LRRTM4: variants seen among roughly 807,000 people sequenced by gnomAD.
LRRTM4 encodes leucine rich repeat transmembrane neuronal 4.
A neutral mutation model predicts 47.6 loss-of-function variants in LRRTM4; 25 were observed. The observed-to-expected ratio is 0.53, with a 90% CI of 0.38 to 0.73. The LOEUF (loss-of-function observed/expected upper bound fraction) is 0.73, where lower values mean the gene tolerates loss of function less well. Among genes scored for constraint, LRRTM4 ranks in the 30% least tolerant of loss-of-function variants. The pLI, the probability that LRRTM4 is intolerant of heterozygous loss-of-function variation, is 0.00. For missense variants in LRRTM4, 638 were observed against 713.4 expected (o/e 0.89, Z 1.20); for synonymous variants, 311 against 269.5 (o/e 1.15, Z -1.51).
chr2:76,784,088 A>G (rs1347067782), intron 3 of LRRTM4, among the ~76,000 whole-genome samples: 2 of 152,154 alleles, frequency 1.3e-5, no homozygotes, highest in African/African-American at 2.4e-5. Context: ...ATTTTGAGCT[A>G]AAACAATCCC....
intron 3 of LRRTM4, among the ~76,000 whole-genome samples, chr2:76,990,111 G>C (rs1301114081): frequency 2.0e-5 from 3 of 151,702 alleles, no homozygotes; most frequent in African/African-American, 7.3e-5. Context: ...TCTTTACCAG[G>C]AAAATTTCTC....
chr2:77,310,494 G>A (rs377262771), intron 3 of LRRTM4, among the ~76,000 whole-genome samples: 332 of 152,178 alleles, frequency 2.2e-3, no homozygotes, highest in African/African-American at 7.5e-3. Flanking sequence ...CGGACTATGT[G>A]GGCCTCATTT....
intron 3 of LRRTM4, among the ~76,000 whole-genome samples, chr2:77,454,615 C>T (rs1218552579): frequency 4.6e-5 from 7 of 151,950 alleles, no homozygotes; most frequent in African/African-American, 9.7e-5. Flanking sequence ...AAGCAATGAC[C>T]GCTACTGTTC....
At chr2:77,335,166 C>G (rs1671115721) in intron 3 of LRRTM4, among the ~76,000 whole-genome samples, 1 of 152,108 alleles carries the variant, frequency 6.6e-6, no homozygotes, top group South Asian at 2.1e-4. Context: ...ATTGATATAG[C>G]ATGGAATTTG....
chr2:77,157,789 T>C (rs1384287100), intron 3 of LRRTM4, among the ~76,000 whole-genome samples: 1 of 152,094 alleles, frequency 6.6e-6, no homozygotes, highest in Non-Finnish European at 1.5e-5. Context: ...CTGAGTGTGA[T>C]CAGGACTCTA....
chr2:77,106,178 T>G (rs1388809895), intron 3 of LRRTM4, among the ~76,000 whole-genome samples: 3 of 152,174 alleles, frequency 2.0e-5, no homozygotes, highest in Non-Finnish European at 4.4e-5. Context: ...ATTTTGCAAG[T>G]TTTCTTATCA....
At chr2:76,786,354 A>G (rs1252547599) in intron 3 of LRRTM4, among the ~76,000 whole-genome samples, 1 of 152,054 alleles carries the variant, frequency 6.6e-6, no homozygotes, top group Non-Finnish European at 1.5e-5. Context: ...AAAATAAAAA[A>G]CCCACAAATG....
At chr2:77,091,568 C>G (rs1247112689) in intron 3 of LRRTM4, among the ~76,000 whole-genome samples, 1 of 147,886 alleles carries the variant, frequency 6.8e-6, no homozygotes. Flanking sequence ...AACCCATATA[C>G]TCTCCTATCC....
At chr2:77,112,213 A>C (rs895688490) in intron 3 of LRRTM4, among the ~76,000 whole-genome samples, 5 of 152,148 alleles carry the variant, frequency 3.3e-5, no homozygotes, top group African/African-American at 1.2e-4. Flanking sequence ...TCATATGAAA[A>C]CTGACTTTTA....
chr2:77,418,492 G>A (rs1249240172), intron 3 of LRRTM4, among the ~76,000 whole-genome samples: 1 of 152,112 alleles, frequency 6.6e-6, no homozygotes, highest in Non-Finnish European at 1.5e-5. Flanking sequence ...CTGAAGTAAG[G>A]CTTTGGTTGT....
chr2:77,289,187 A>G (rs1322267658), intron 3 of LRRTM4, among the ~76,000 whole-genome samples: 2 of 151,822 alleles, frequency 1.3e-5, no homozygotes, highest in African/African-American at 4.8e-5. Context: ...AGCATTATGC[A>G]TATTTTTATA....
intron 3 of LRRTM4, among the ~76,000 whole-genome samples, chr2:77,384,758 A>G (rs1268679631): frequency 6.6e-6 from 1 of 152,132 alleles, no homozygotes; most frequent in African/African-American, 2.4e-5. Flanking sequence ...ATTTCTGGGA[A>G]AGTAAATAAA....
intron 3 of LRRTM4, among the ~76,000 whole-genome samples, chr2:76,993,591 A>C (rs554736668): frequency 3.4e-4 from 52 of 152,150 alleles, no homozygotes; most frequent in Non-Finnish European, 6.0e-4. Context: ...GCTATTATTA[A>C]AAATACAAAA....
intron 3 of LRRTM4, among the ~76,000 whole-genome samples, chr2:76,885,024 G>C (rs1351241830): frequency 6.6e-6 from 1 of 151,978 alleles, no homozygotes; most frequent in African/African-American, 2.4e-5. Context: ...TAATCATAAA[G>C]TATAAGCCTA....
At chr2:77,348,907 G>A (rs1430466879) in intron 3 of LRRTM4, among the ~76,000 whole-genome samples, 1 of 151,474 alleles carries the variant, frequency 6.6e-6, no homozygotes, top group South Asian at 2.1e-4. Context: ...TAAATGAAAA[G>A]GCATTTGATA....
intron 3 of LRRTM4, among the ~76,000 whole-genome samples, chr2:76,767,331 G>A (rs1673496371): frequency 6.6e-6 from 1 of 152,154 alleles, no homozygotes; most frequent in Admixed American, 6.5e-5. Flanking sequence ...ATTGAGTGAT[G>A]TCTCTGTGTC....
At chr2:76,895,848 T>A (rs146382465) in intron 3 of LRRTM4, among the ~76,000 whole-genome samples, 1 of 152,206 alleles carries the variant, frequency 6.6e-6, no homozygotes, top group Non-Finnish European at 1.5e-5. Flanking sequence ...TTACTTACCT[T>A]GACAACTGAA....
Position 76,801,510 on chromosome 2 carries a change from G to C in LRRTM4, c.1552-52594C>G, listed in dbSNP as rs1675679790. Reference sequence around the variant, plus strand: ...AGGAGAATATCACACTCTGGGGACTGTTGTGGTGTGGGGGGAGGGGGAAGG... The same window carrying C: ...AGGAGAATATCACACTCTGGGGACTCTTGTGGTGTGGGGGGAGGGGGAAGG... On this transcript the variant is annotated intron_variant, in intron 3 of 3. Transcript: ENST00000409884. Among the ~76,000 whole-genome samples, 3 of 152,058 alleles carry C rather than the reference G, an allele frequency of 2.0e-5. No individual in the cohort carries two copies. In the South Asian group the frequency reaches 6.2e-4, roughly 32 times the overall value.
intron 3 of LRRTM4, among the ~76,000 whole-genome samples, chr2:76,985,356 G>A (rs1273559433): frequency 6.6e-6 from 1 of 152,054 alleles, no homozygotes; most frequent in East Asian, 1.9e-4. Context: ...TAAAAAGAAC[G>A]ATTCACAGAG....
Sources: allele counts gnomAD v4.1 joint callset (sites outside exome capture counted in the v4.1 genomes callset), GRCh38; gene constraint gnomAD v4.1.1; transcripts MANE v1.5; gene names NCBI Gene and HGNC (gene_info 2026-07-23, HGNC 2026-07-21).